Variants in NUP35 observed in about 807,000 individuals in gnomAD.
NUP35 encodes nucleoporin NUP35.
In NUP35, 25 loss-of-function variants were observed where a neutral mutation model predicts 41.5. The observed-to-expected ratio is 0.60, with a 90% confidence interval of 0.44 to 0.84. The LOEUF is 0.84. Ranked by LOEUF, NUP35 falls within the 40% of genes least tolerant of loss-of-function variation. The pLI, the probability that NUP35 is intolerant of heterozygous loss-of-function variation, is 0.00. For synonymous variants in NUP35, 149 were observed against 130.7 expected (o/e 1.14, Z -0.96); for missense variants, 396 against 396.6 (o/e 1.00, Z 0.01).
chr2:183,156,905 G>A (rs1163054229), intron 5 of NUP35, among the ~76,000 whole-genome samples: 2 of 152,102 alleles, frequency 1.3e-5, no homozygotes, highest in Non-Finnish European at 2.9e-5. Flanking sequence ...TTCTCATGCA[G>A]AGATATGGCT....
intron 4 of NUP35, among the ~76,000 whole-genome samples, chr2:183,147,817 T>C (rs1187103568): frequency 3.3e-5 from 5 of 152,238 alleles, no homozygotes; most frequent in African/African-American, 1.2e-4. Flanking sequence ...GGAATGTTTT[T>C]CCATTTGTGT....
At chr2:183,117,656 T>TA (rs1332463922) in intron 1 of NUP35, 2 of 152,200 alleles carry the variant, frequency 1.3e-5, no homozygotes, top group East Asian at 3.8e-4. Flanking sequence ...ACTTCAATTT[T>TA]AAAAAATTAT....
In NUP35 at chr2:183,157,726, T is replaced by A. The variant is rs181344934; in HGVS notation, c.609+213T>A. ...GAGAAGATATGGAGAATTGAGAGTT[T>A]GAAAATCCACCTCCTCTCACCTCCT... On this transcript the variant is annotated intron_variant, in intron 6 of 8. Transcript: ENST00000295119. Among the ~76,000 whole-genome samples, 10 of 152,198 alleles carry A rather than the reference T, an allele frequency of 6.6e-5. No homozygotes were observed. In the East Asian group the frequency reaches 1.9e-3, roughly 29 times the overall value.
upstream of NUP35, among the ~76,000 whole-genome samples, chr2:183,121,357 T>C (rs1427364960): frequency 6.6e-6 from 1 of 151,674 alleles, no homozygotes; most frequent in African/African-American, 2.4e-5. Flanking sequence ...TTTGAAAAAA[T>C]GAAATGAGAG....
At chr2:183,138,697 T>C (rs1684979921) in intron 4 of NUP35, among the ~76,000 whole-genome samples, 1 of 152,292 alleles carries the variant, frequency 6.6e-6, no homozygotes, top group South Asian at 2.1e-4. Context: ...CTTCTTCCTT[T>C]ATATTTTTTA....
At chr2:183,146,615 T>C (rs1445067810) in intron 4 of NUP35, among the ~76,000 whole-genome samples, 1 of 152,064 alleles carries the variant, frequency 6.6e-6, no homozygotes, top group African/African-American at 2.4e-5. Context: ...CTTTTTTTTT[T>C]TAAGTTGGAG....
At position 183,128,392 on chromosome 2, in the gene NUP35, C is replaced by T; in HGVS notation, c.146C>T (p.Pro49Leu). 2 of 1,613,940 alleles carry T rather than the reference C, an allele frequency of 1.2e-6. No individual in the cohort carries two copies. The highest frequency in any genetic ancestry group is 1.7e-6 in the Non-Finnish European group (2 of 1,179,968). Residue 49 changes from proline to leucine, a missense_variant, in exon 2 of 9, where the codon CCA (proline) becomes CTA (leucine). By Grantham distance (98) the Pro-to-Leu change is moderately conservative. Transcript: ENST00000295119. The part of the protein sequence containing the change: ...LMGDLPAPVT[P>L]QPRSISGPSV... The stretch of plus-strand genomic sequence containing the variant: ...GGGGATTTGCCAGCTCCGGTGACTC[C>T]ACAACCTCGATCAATTAGTGGCCCT...
rs1180581188 is a variant in NUP35, at chr2:183,134,500, TAC to T, written c.397+881_397+882del. Among the ~76,000 whole-genome samples the T allele has an allele frequency of 3.3e-5, 5 of 152,066 alleles. No individual in the cohort carries two copies. In the East Asian group the frequency reaches 9.6e-4, roughly 29 times the overall value. ...ACAAACATAAAAGTGGCTTAAACAA[TAC>T]ACATTCATTATCTTTCATTTCTGGA... On this transcript the variant is annotated intron_variant, in intron 4 of 8. Transcript: ENST00000295119.
chr2:183,155,452 G>A (rs536921465), intron 5 of NUP35, among the ~76,000 whole-genome samples: 6 of 152,218 alleles, frequency 3.9e-5, no homozygotes, highest in South Asian at 2.1e-4. Flanking sequence ...GGTAAAAAGC[G>A]GGTCATTGCA....
intron 1 of NUP35, among the ~76,000 whole-genome samples, chr2:183,126,903 A>G (rs1282816945): frequency 1.3e-5 from 2 of 152,218 alleles, no homozygotes; most frequent in Non-Finnish European, 2.9e-5. Context: ...CAAATTCTAC[A>G]TTTATACTTT....
At chr2:183,122,034 T>C (rs1452961306), upstream of NUP35, among the ~76,000 whole-genome samples, 1 of 150,908 alleles carries the variant, frequency 6.6e-6, no homozygotes, top group East Asian at 1.9e-4. Context: ...CAAACCCTTT[T>C]CTACTTTACT....
intron 4 of NUP35, among the ~76,000 whole-genome samples, chr2:183,143,299 T>G (rs1685167710): frequency 6.7e-6 from 1 of 149,198 alleles, no homozygotes; most frequent in African/African-American, 2.5e-5. Context: ...TTTTTACCCC[T>G]CTATCATTGC....
intron 4 of NUP35, among the ~76,000 whole-genome samples, chr2:183,141,119 G>GA (rs1685079735): frequency 6.9e-6 from 1 of 144,150 alleles, no homozygotes; most frequent in South Asian, 2.2e-4. Context: ...CAGCTTCCTT[G>GA]TTTTTTTTTT....
At chr2:183,143,155 C>CAAAA (rs71407011) in intron 4 of NUP35, among the ~76,000 whole-genome samples, 16 of 121,932 alleles carry the variant, frequency 1.3e-4, no homozygotes, top group African/African-American at 4.7e-4. Flanking sequence ...GACTCCATCT[C>CAAAA]AAAAAAAAAA....
chr2:183,122,179 C>T (rs948836046), upstream of NUP35, among the ~76,000 whole-genome samples: 3 of 151,872 alleles, frequency 2.0e-5, no homozygotes, highest in East Asian at 1.9e-4. Context: ...TGGGTTCAAG[C>T]GATTCTCCTG....
rs555085789 is a variant in NUP35, at chr2:183,149,931, CAG to C, written c.398-1574_398-1573del. On this transcript the variant is annotated intron_variant, in intron 4 of 8. Transcript: ENST00000295119. ...TTTTAATTTTTTTATTTTTTTGAGA[CAG>C]AGTCTCTCTGTCACCCAGGGTGTAA... Among the ~76,000 whole-genome samples, 105 of 151,600 alleles carry C rather than the reference CAG, an allele frequency of 6.9e-4. 1 individual carries two copies. Among genetic ancestry groups the C allele is most frequent in the Middle Eastern group, 3.4e-3 (1 of 294 alleles).
At chr2:183,130,825 A>T (rs1428780020) in intron 3 of NUP35, among the ~76,000 whole-genome samples, 1 of 152,178 alleles carries the variant, frequency 6.6e-6, no homozygotes, top group Non-Finnish European at 1.5e-5. Context: ...CTTAATATAC[A>T]TGTAGAATGT....
intron 4 of NUP35, among the ~76,000 whole-genome samples, chr2:183,137,791 A>C (rs537703783): frequency 7.9e-5 from 10 of 126,268 alleles, no homozygotes; most frequent in Non-Finnish European, 1.6e-4. Context: ...ACCTCAAAGA[A>C]AAAAAAAAAG....
At chr2:183,133,685 G>C (rs887993886) in intron 4 of NUP35, 62 bp downstream of exon 4, 1 of 1,190,064 alleles carries the variant, frequency 8.4e-7, no homozygotes, top group African/African-American at 1.6e-5. Flanking sequence ...TGCTACCCAC[G>C]CTGGAGTGCA....
Sources: gnomAD v4.1 joint callset for allele counts (sites outside exome capture counted in the v4.1 genomes callset) on GRCh38, gnomAD v4.1.1 for gene constraint, MANE v1.5 for transcripts, NCBI Gene and HGNC (gene_info 2026-07-23, HGNC 2026-07-21) for gene names.